CRYAB: variants seen among roughly 807,000 people sequenced by gnomAD.
The protein encoded by CRYAB is crystallin alpha B, also known as alpha-crystallin B chain.
Under a neutral mutation model 12.7 loss-of-function variants are expected in CRYAB, and 9 were observed. The observed-to-expected ratio is 0.71, with a 90% CI of 0.43 to 1.24. The LOEUF (loss-of-function observed/expected upper bound fraction) is 1.24. Ranked by LOEUF, CRYAB falls within the 50% of genes most tolerant of loss-of-function variation. CRYAB has a pLI of 0.00. For missense variants in CRYAB, 183 were observed against 226.6 expected (o/e 0.81, Z 1.24); for synonymous variants, 93 against 86.8 (o/e 1.07, Z -0.40).
intron 1 of CRYAB, among the ~76,000 whole-genome samples, chr11:111,919,777 G>A (rs1212905336): frequency 6.6e-6 from 1 of 152,198 alleles, no homozygotes; most frequent in Admixed American, 6.5e-5. Flanking sequence ...AAGGTCACAT[G>A]GCTGGTAAGC....
chr11:111,920,801 AAAG>A (rs1170661805), intron 1 of CRYAB, among the ~76,000 whole-genome samples: 6 of 152,162 alleles, frequency 3.9e-5, no homozygotes, highest in South Asian at 2.1e-4. Context: ...GAAGTAGGAA[AAAG>A]AAGAATATCC....
chr11:111,911,748 T>G lies in CRYAB; in HGVS notation c.-24A>C. The G allele has an allele frequency of 6.6e-7, 1 of 1,521,324 alleles. No individual in the cohort carries two copies. Among genetic ancestry groups the G allele is most frequent in the Non-Finnish European group, 9.0e-7 (1 of 1,114,936 alleles). The allele number at this position is 1,521,324 out of a possible 1,614,324, so 94.2% of individuals were successfully genotyped here. On this transcript the variant is annotated 5_prime_UTR_variant, in exon 1 of 3. Coordinates refer to ENST00000650687, the MANE Select transcript of CRYAB (RefSeq NM_001289808.2). ...ATGGTGGCTAGGTGAGTGTGAGGGG[T>G]CAGCTGGCTGGTCAGCTCCTTCAGC...
At chr11:111,918,891 C>T (rs1171270885) in intron 1 of CRYAB, 6 of 1,549,886 alleles carry the variant, frequency 3.9e-6, no homozygotes, top group Non-Finnish European at 5.3e-6. Flanking sequence ...GGAGCTGCCG[C>T]GGAAAGCTCA....
chr11:111,912,923 G>T, upstream of CRYAB: 1 of 1,599,788 alleles, frequency 6.3e-7, no homozygotes, highest in Non-Finnish European at 8.5e-7. Flanking sequence ...CTTCGGAGAA[G>T]GTATGGCACA....
chr11:111,909,869 G>C (rs1965397741), intron 2 of CRYAB: 3 of 434,928 alleles, frequency 6.9e-6, no homozygotes, highest in East Asian at 8.6e-5. Context: ...CCTAATCAGT[G>C]GTTCTCAACC....
At chr11:111,911,082 A>G (rs1965439088) in intron 1 of CRYAB, among the ~76,000 whole-genome samples, 1 of 152,174 alleles carries the variant, frequency 6.6e-6, no homozygotes, top group Admixed American at 6.5e-5. Context: ...AAATCATAGA[A>G]GAGGGAATAG....
In CRYAB at chr11:111,908,788, A is replaced by G. The variant is rs782361571; in HGVS notation, c.504T>C (p.Ala168=). The change falls in exon 3 of 3, where the codon GCT becomes GCC. Residue 168 remains alanine, a synonymous_variant. Transcript: ENST00000650687. ...TCTATTTCTTGGGGGCTGCGGTGAC[A>G]GCAGGCTTCTCTTCACGGGTGATGG... The part of the protein sequence containing the change: ...TIPITREEKP[A]VTAAPKK The G allele has an allele frequency of 5.6e-6, 9 of 1,613,098 alleles. No homozygotes were observed. Among genetic ancestry groups the G allele is most frequent in the Non-Finnish European group, 7.6e-6 (9 of 1,180,022 alleles).
Position 111,910,686 on chromosome 11 carries a change from G to A in CRYAB, c.202-237C>T, listed in dbSNP as rs1417276118. ...CTTTATTTACAGGGACAGAGAAGAA[G>A]ACAGATCACCCAGGGGACCAGTCGC... On this transcript the variant is annotated intron_variant, in intron 1 of 2. Coordinates refer to ENST00000650687, the MANE Select transcript of CRYAB (RefSeq NM_001289808.2). 3 of 588,076 alleles carry A rather than the reference G, an allele frequency of 5.1e-6. No individual in the cohort carries two copies. In the African/African-American group the frequency reaches 5.6e-5, roughly 11 times the overall value. 36.4% of individuals were successfully genotyped at this position (588,076 alleles called of 1,614,324 possible). A position where few individuals can be genotyped will look rare whatever the true frequency, so the allele number is the denominator to read the frequency against.
chr11:111,909,215 T>C (rs782667442), intron 2 of CRYAB: 10 of 570,210 alleles, frequency 1.8e-5, no homozygotes, highest in South Asian at 9.2e-5. Flanking sequence ...CCCTGAGGCA[T>C]AGATATGTTT....
chr11:111,919,243 G>T, intron 1 of CRYAB: 1 of 535,150 alleles, frequency 1.9e-6, no homozygotes, highest in Non-Finnish European at 3.4e-6. Flanking sequence ...GGGAGGCCGA[G>T]GCCGGCGGAT....
At chr11:111,917,346 G>C (rs587656334), upstream of CRYAB, among the ~76,000 whole-genome samples, 1 of 152,298 alleles carries the variant, frequency 6.6e-6, no homozygotes, top group Non-Finnish European at 1.5e-5. Context: ...AAAGGATACA[G>C]TTAATGGTAG....
At chr11:111,909,443 A>G (rs1965383257) in intron 2 of CRYAB, among the ~76,000 whole-genome samples, 1 of 152,178 alleles carries the variant, frequency 6.6e-6, no homozygotes, top group Non-Finnish European at 1.5e-5. Flanking sequence ...CATATAAGCA[A>G]AATTGAAACA....
chr11:111,918,645 CG>C, intron 1 of CRYAB: 1 of 674,902 alleles, frequency 1.5e-6, no homozygotes, highest in South Asian at 1.5e-5. Context: ...AGAAGCATTT[CG>C]TAAGGAAACC....
At position 111,908,779 on chromosome 11, in the gene CRYAB, T is replaced by C; in HGVS notation, c.513A>G (p.Ala171=). 6.2e-7 allele frequency: 1 copy of C among 1,612,800 alleles called. No individual in the cohort carries two copies. The highest frequency in any genetic ancestry group is 2.2e-5 in the East Asian group (1 of 44,884). ...GAAAGGGCATCTATTTCTTGGGGGC[T>C]GCGGTGACAGCAGGCTTCTCTTCAC... is the stretch of plus-strand genomic sequence containing the variant. ...ITREEKPAVT[A]APKK is the part of the protein sequence containing the mutation. Residue 171 remains alanine, a synonymous_variant, in exon 3 of 3, where the codon GCA becomes GCG. Transcript: ENST00000650687.
In CRYAB at chr11:111,920,217, G is replaced by GAATAA. The variant is rs587622493; in HGVS notation, c.-199+3481_-199+3485dup. Among the ~76,000 whole-genome samples the GAATAA allele has an allele frequency of 1.3e-3, 201 of 151,564 alleles. 3 individuals are homozygous for GAATAA. The highest frequency in any genetic ancestry group is 0.013 in the East Asian group (68 of 5,162). On this transcript the variant is annotated intron_variant, in intron 1 of 3. Transcript: ENST00000527950. Reference sequence around the variant, plus strand: ...CTCAAAAATAAAATAAAATAAAATAGAATAAAATAAAATAAAATAAATTAA... The same window carrying GAATAA: ...CTCAAAAATAAAATAAAATAAAATAGAATAAAATAAAATAAAATAAAATAAATTAA...
chr11:111,920,181 C>A (rs1017972240), intron 1 of CRYAB, among the ~76,000 whole-genome samples: 1 of 151,608 alleles, frequency 6.6e-6, no homozygotes, highest in South Asian at 2.1e-4. Context: ...GGTGACAGAG[C>A]AAGACTCCGT....
At chr11:111,921,414 C>G (rs373263785) in intron 1 of CRYAB, among the ~76,000 whole-genome samples, 1 of 152,148 alleles carries the variant, frequency 6.6e-6, no homozygotes, top group African/African-American at 2.4e-5. Context: ...TACGTAGCCA[C>G]TTCATAAAGA....
At chr11:111,913,151 G>A (rs925411309), upstream of CRYAB, 16 of 604,066 alleles carry the variant, frequency 2.6e-5, no homozygotes, top group East Asian at 1.7e-4. Context: ...GCTCTTTGCC[G>A]GCCTGGGTGT....
chr11:111,915,897 C>A (rs1444568369), upstream of CRYAB, among the ~76,000 whole-genome samples: 1 of 151,974 alleles, frequency 6.6e-6, no homozygotes, highest in African/African-American at 2.4e-5. Context: ...TGTGTGCCAC[C>A]ACGCCTGGCT....
Sources: allele counts gnomAD v4.1 joint callset (sites outside exome capture counted in the v4.1 genomes callset), GRCh38; gene constraint gnomAD v4.1.1; transcripts MANE v1.5; gene names NCBI Gene and HGNC (gene_info 2026-07-23, HGNC 2026-07-21).